Variants in GALNT17 observed in about 807,000 individuals in gnomAD.
GALNT17 encodes the protein UDP-GalNAc:polypeptide N-acetylgalactosaminyltransferase-like 3.
GALNT17 carries 29 observed loss-of-function variants against 63.7 expected under a neutral mutation model. The ratio of observed to expected loss-of-function variants is 0.46; its 90% confidence interval spans 0.34 to 0.62. GALNT17 has a LOEUF of 0.62. GALNT17 is among the 20% of genes least tolerant of loss of function. The pLI, the probability that GALNT17 is intolerant of heterozygous loss-of-function variation, is 0.01. For missense variants in GALNT17, 603 were observed against 799.6 expected, an observed-to-expected ratio of 0.75 and a Z score of 2.97; for synonymous variants, 305 against 318.3, an observed-to-expected ratio of 0.96 and a Z score of 0.45.
intron 1 of GALNT17, among the ~76,000 whole-genome samples, chr7:71,153,615 T>C (rs763020714): frequency 8.5e-5 from 13 of 152,058 alleles, no homozygotes; most frequent in Non-Finnish European, 1.5e-4. Context: ...GGTGTGGTGG[T>C]TTAAAAATGT....
At chr7:71,140,667 A>G (rs1787871065) in intron 1 of GALNT17, among the ~76,000 whole-genome samples, 1 of 152,182 alleles carries the variant, frequency 6.6e-6, no homozygotes, top group Non-Finnish European at 1.5e-5. Flanking sequence ...ACATGAGCAC[A>G]CCCAAGCCCA....
At chr7:71,388,090 C>A in intron 2 of GALNT17, 145 bp from the exon 3 acceptor site, 1 of 789,398 alleles carries the variant, frequency 1.3e-6, no homozygotes, top group Non-Finnish European at 2.0e-6. Flanking sequence ...CAGTTCTTAG[C>A]CAAGGAGAAG....
chr7:71,554,850 G>A (rs1180575586), intron 5 of GALNT17, among the ~76,000 whole-genome samples: 1 of 152,194 alleles, frequency 6.6e-6, no homozygotes, highest in African/African-American at 2.4e-5. Context: ...CCAGCCCAGG[G>A]AGAATTAGCT....
intron 1 of GALNT17, among the ~76,000 whole-genome samples, chr7:71,276,403 A>G (rs1015322661): frequency 3.9e-5 from 6 of 152,202 alleles, no homozygotes; most frequent in Admixed American, 2.6e-4. Context: ...AAGGAATGAT[A>G]TGGTTTGGCT....
chr7:71,396,376 A>C (rs1007937991), intron 3 of GALNT17, among the ~76,000 whole-genome samples: 10 of 152,016 alleles, frequency 6.6e-5, no homozygotes, highest in African/African-American at 2.4e-4. Flanking sequence ...CAAGAGTCCA[A>C]TTTTTCCTCA....
At chr7:71,322,563 T>A (rs1163462115) in intron 1 of GALNT17, among the ~76,000 whole-genome samples, 1 of 152,148 alleles carries the variant, frequency 6.6e-6, no homozygotes, top group Non-Finnish European at 1.5e-5. Flanking sequence ...TGTTTTGTCT[T>A]CTAGGACAGA....
intron 1 of GALNT17, among the ~76,000 whole-genome samples, chr7:71,275,708 T>G (rs900762353): frequency 6.6e-6 from 1 of 152,162 alleles, no homozygotes; most frequent in African/African-American, 2.4e-5. Flanking sequence ...CTAGCTTTAT[T>G]TTGGGATAGG....
chr7:71,331,163 A>G (rs1791800905), intron 1 of GALNT17, among the ~76,000 whole-genome samples: 1 of 152,150 alleles, frequency 6.6e-6, no homozygotes, highest in Admixed American at 6.5e-5. Flanking sequence ...GTTATCACTC[A>G]CCTGGAAACT....
In GALNT17 at chr7:71,584,911, C is replaced by T. The variant is rs138690569; in HGVS notation, c.1080+13509C>T. On this transcript the variant is annotated intron_variant, in intron 6 of 10. Coordinates refer to ENST00000333538, the MANE Select transcript of GALNT17 (RefSeq NM_022479.3). ...CTGGGACTATAGGCGTCCGCCACCA[C>T]GCCAAGCTAATTTTTTGTATTTTTA... Among the ~76,000 whole-genome samples, 266 of 152,244 alleles carry T rather than the reference C, an allele frequency of 1.7e-3. 1 individual carries two copies. The highest frequency in any genetic ancestry group is 6.8e-3 in the Middle Eastern group (2 of 294).
chr7:71,194,812 T>C (rs375976915), intron 1 of GALNT17, among the ~76,000 whole-genome samples: 55 of 152,186 alleles, frequency 3.6e-4, no homozygotes, highest in African/African-American at 1.2e-3. Flanking sequence ...CTTGGTGGAG[T>C]TACATCAGAG....
intron 3 of GALNT17, among the ~76,000 whole-genome samples, chr7:71,393,145 T>C (rs1793079549): frequency 6.6e-6 from 1 of 152,232 alleles, no homozygotes; most frequent in South Asian, 2.1e-4. Context: ...AACTATAGAT[T>C]TGTATCTGCA....
In GALNT17 at chr7:71,449,043, ACTT is replaced by A. The variant is rs1055085172; in HGVS notation, c.962+27941_962+27943del. On this transcript the variant is annotated intron_variant, in intron 5 of 10. Coordinates refer to ENST00000333538, the MANE Select transcript of GALNT17 (RefSeq NM_022479.3). ...ACAGCTGAACTTCTGAAACTTGTGT[ACTT>A]CTCTATGTGTTTGCTCTACTTCAGT... 3.4e-5 allele frequency among the ~76,000 whole-genome samples: 5 copies of A among 146,788 alleles called. No homozygotes were observed. In the East Asian group the frequency reaches 1.0e-3, roughly 30 times the overall value.
At chr7:71,388,182 C>T (rs1216014721) in intron 2 of GALNT17, 53 bp from the exon 3 acceptor site, 1 of 1,574,078 alleles carries the variant, frequency 6.4e-7, no homozygotes, top group Admixed American at 1.7e-5. Flanking sequence ...AGCTGCAGTG[C>T]CTGAGCTTTT....
At chr7:71,510,436 GGTTTTT>G (rs1232023744) in intron 5 of GALNT17, among the ~76,000 whole-genome samples, 1 of 152,098 alleles carries the variant, frequency 6.6e-6, no homozygotes, top group African/African-American at 2.4e-5. Context: ...GATTTGCTGA[GGTTTTT>G]GTCCACCCAA....
At chr7:71,246,604 G>T (rs990227411) in intron 1 of GALNT17, among the ~76,000 whole-genome samples, 29 of 151,990 alleles carry the variant, frequency 1.9e-4, no homozygotes, top group Admixed American at 1.9e-3. Context: ...GCCGAGGAGG[G>T]CGGATCACGA....
intron 6 of GALNT17, among the ~76,000 whole-genome samples, chr7:71,600,840 G>T (rs1789956711): frequency 6.6e-6 from 1 of 151,632 alleles, no homozygotes; most frequent in African/African-American, 2.4e-5. Context: ...GTGGTGATTT[G>T]TGAGATCATG....
chr7:71,470,510 T>C (rs886944133), intron 5 of GALNT17, among the ~76,000 whole-genome samples: 1 of 152,040 alleles, frequency 6.6e-6, no homozygotes, highest in Non-Finnish European at 1.5e-5. Flanking sequence ...CAGACCCAGA[T>C]TCAGAAAGGA....
intron 1 of GALNT17, among the ~76,000 whole-genome samples, chr7:71,168,285 A>G (rs1283349742): frequency 6.6e-6 from 1 of 152,004 alleles, no homozygotes; most frequent in Non-Finnish European, 1.5e-5. Context: ...AACATTTTCT[A>G]TATTTGGGCC....
chr7:71,709,644 C>T (rs2115564945), intron 9 of GALNT17, among the ~76,000 whole-genome samples: 1 of 151,934 alleles, frequency 6.6e-6, no homozygotes, highest in South Asian at 2.1e-4. Flanking sequence ...GTTGCCCAGG[C>T]TGGAGTGCAG....
Sources: gnomAD v4.1 joint callset for allele counts (sites outside exome capture counted in the v4.1 genomes callset) on GRCh38, gnomAD v4.1.1 for gene constraint, MANE v1.5 for transcripts, NCBI Gene and HGNC (gene_info 2026-07-23, HGNC 2026-07-21) for gene names.